RRM1: variants seen among roughly 807,000 people sequenced by gnomAD.
RRM1 encodes ribonucleoside-diphosphate reductase large subunit.
RRM1 carries 19 observed loss-of-function variants against 101.5 expected under a neutral mutation model. The observed-to-expected ratio is 0.19, with a 90% CI of 0.13 to 0.27. RRM1 has a LOEUF of 0.27. Ranked by LOEUF, RRM1 falls within the 10% of genes least tolerant of loss-of-function variation. RRM1 has a pLI of 1.00. For synonymous variants in RRM1, 298 were observed against 323.4 expected, an observed-to-expected ratio of 0.92 and a Z score of 0.84; for missense variants, 500 against 962.9, an observed-to-expected ratio of 0.52 and a Z score of 6.36.
intron 11 of RRM1, among the ~76,000 whole-genome samples, chr11:4,122,431 T>C (rs1244185509): frequency 6.6e-6 from 1 of 152,218 alleles, no homozygotes; most frequent in Non-Finnish European, 1.5e-5. Context: ...TATAAATAGG[T>C]TCTTGGGATT....
intron 15 of RRM1, 45 bp downstream of exon 15, chr11:4,129,195 G>C (rs2094594814): frequency 9.0e-7 from 1 of 1,112,992 alleles, no homozygotes; most frequent in South Asian, 1.3e-5. Context: ...GAAGGGTTTA[G>C]GTTCACCTTC....
At chr11:4,117,242 A>G (rs928014310) in intron 7 of RRM1, among the ~76,000 whole-genome samples, 2 of 152,218 alleles carry the variant, frequency 1.3e-5, no homozygotes, top group Non-Finnish European at 2.9e-5. Context: ...AATCTTTAGT[A>G]AAGTGAAACG....
intron 17 of RRM1, 113 bp from the exon 18 acceptor site, chr11:4,134,969 G>A: frequency 1.4e-6 from 1 of 737,272 alleles, no homozygotes; most frequent in Non-Finnish European, 2.2e-6. Flanking sequence ...TGAATGGTAA[G>A]GTCAGATCTG....
intron 3 of RRM1, among the ~76,000 whole-genome samples, chr11:4,106,860 A>G (rs576751676): frequency 6.6e-6 from 1 of 152,100 alleles, no homozygotes; most frequent in South Asian, 2.1e-4. Flanking sequence ...AGGTTGATGG[A>G]TCTTTGTTCT....
intron 2 of RRM1, among the ~76,000 whole-genome samples, chr11:4,103,397 TAAGA>T (rs757584132): frequency 1.3e-3 from 204 of 152,334 alleles, no homozygotes; most frequent in Non-Finnish European, 2.3e-3. Flanking sequence ...GGTTTATAGA[TAAGA>T]AAGTTCCAAA....
At chr11:4,133,228 G>A (rs2094603373) in intron 16 of RRM1, among the ~76,000 whole-genome samples, 1 of 152,122 alleles carries the variant, frequency 6.6e-6, no homozygotes, top group East Asian at 1.9e-4. Flanking sequence ...CCAGGCTGGA[G>A]TGCAGTGGCA....
chr11:4,102,329 A>C (rs756160045), intron 2 of RRM1, among the ~76,000 whole-genome samples: 27 of 152,364 alleles, frequency 1.8e-4, no homozygotes, highest in Non-Finnish European at 3.5e-4. Context: ...ATTTAATATC[A>C]GATATTTCCT....
intron 18 of RRM1, 61 bp downstream of exon 18, chr11:4,135,331 G>A: frequency 7.5e-7 from 1 of 1,335,944 alleles, no homozygotes; most frequent in South Asian, 1.5e-5. Flanking sequence ...GCATTGGAAT[G>A]ATTTTATGTT....
intron 2 of RRM1, chr11:4,105,578 C>CTTTTTTTTTTTTTTTTTT: frequency 1.1e-5 from 3 of 281,538 alleles, no homozygotes; most frequent in Admixed American, 5.8e-5. Context: ...TTTTTCTTTC[C>CTTTTTTTTTTTTTTTTTT]TTTTTTTTTT....
In RRM1 at chr11:4,138,755, C is replaced by T. The variant is rs1448353456; in HGVS notation, c.*372C>T. On this transcript the variant is annotated 3_prime_UTR_variant, in exon 19 of 19. Coordinates refer to ENST00000300738, the MANE Select transcript of RRM1 (RefSeq NM_001033.5). Reference sequence around the variant, plus strand: ...TTGTTAAGGAGATTTAGTTTTACTGCTTTGACTGGTGGGTCTCTAGAAGCA... The same window carrying T: ...TTGTTAAGGAGATTTAGTTTTACTGTTTTGACTGGTGGGTCTCTAGAAGCA... 6 of 216,532 alleles carry T rather than the reference C, an allele frequency of 2.8e-5. No homozygotes were observed. Among genetic ancestry groups the T allele is most frequent in the Admixed American group, 1.2e-4 (2 of 17,166 alleles). 13.4% of individuals were successfully genotyped at this position (216,532 alleles called of 1,614,324 possible).
chr11:4,135,547 G>C (rs909694964), intron 18 of RRM1, among the ~76,000 whole-genome samples: 3 of 152,100 alleles, frequency 2.0e-5, no homozygotes, highest in African/African-American at 7.2e-5. Flanking sequence ...ACCAAGTTGT[G>C]TTGATTGTTC....
At chr11:4,119,049 T>C (rs931044318) in intron 8 of RRM1, 6 of 152,306 alleles carry the variant, frequency 3.9e-5, no homozygotes, top group African/African-American at 1.4e-4. Flanking sequence ...GTCAAGATAA[T>C]AGTTTTGGAT....
Position 4,094,811 on chromosome 11 carries a change from C to A in RRM1, c.-202C>A. On this transcript the variant is annotated 5_prime_UTR_variant, in exon 1 of 19. Coordinates refer to ENST00000300738, the MANE Select transcript of RRM1 (RefSeq NM_001033.5). ...AACCCCGTCGCGCCCCTTTGTGCGT[C>A]ACGGGTGGCGGGCGCGGGAAGGGGA... The A allele has an allele frequency of 1.6e-6, 1 of 609,410 alleles. No individual in the cohort carries two copies. 37.8% of individuals were successfully genotyped at this position (609,410 alleles called of 1,614,324 possible).
intron 15 of RRM1, among the ~76,000 whole-genome samples, chr11:4,129,494 T>A (rs1043561036): frequency 6.6e-6 from 1 of 152,162 alleles, no homozygotes; most frequent in Non-Finnish European, 1.5e-5. Context: ...TTTTTCATTC[T>A]TATTTATTTC....
At chr11:4,129,990 G>T (rs1440015178) in intron 15 of RRM1, among the ~76,000 whole-genome samples, 1 of 143,412 alleles carries the variant, frequency 7.0e-6, no homozygotes, top group African/African-American at 2.6e-5. Context: ...CATCCTTTAG[G>T]TTTTCTTCCA....
chr11:4,094,958 G>A lies in RRM1; in HGVS notation c.-55G>A. 1.3e-6 allele frequency: 2 copies of A among 1,549,828 alleles called. No individual in the cohort carries two copies. Among genetic ancestry groups the A allele is most frequent in the Non-Finnish European group, 1.7e-6 (2 of 1,145,184 alleles). On this transcript the variant is annotated 5_prime_UTR_variant, in exon 1 of 19. Transcript: ENST00000300738. ...CTGTCACCTTCTCGATCCCGCCGGCGCTTTAGAGCCGCAGTCCAGTCTTGG... is the reference window on the plus strand; with the variant it reads ...CTGTCACCTTCTCGATCCCGCCGGCACTTTAGAGCCGCAGTCCAGTCTTGG...
At chr11:4,127,370 C>T in intron 14 of RRM1, 114 bp downstream of exon 14, 1 of 592,712 alleles carries the variant, frequency 1.7e-6, no homozygotes, top group Non-Finnish European at 2.7e-6. Flanking sequence ...AATTTAATTT[C>T]ATTTGGTTCA....
chr11:4,101,561 C>T (rs376588813), intron 1 of RRM1, among the ~76,000 whole-genome samples: 811 of 51,840 alleles, frequency 0.016, 128 homozygotes, highest in African/African-American at 0.03. Context: ...TGATCCACAC[C>T]CCCCCCCGCT....
Position 4,114,371 on chromosome 11 carries a change from G to A in RRM1, c.650+2309G>A, listed in dbSNP as rs183137585. Among the ~76,000 whole-genome samples, 213 of 151,812 alleles carry A rather than the reference G, an allele frequency of 1.4e-3. 1 individual carries two copies. The highest frequency in any genetic ancestry group is 4.9e-3 in the African/African-American group (204 of 41,400). On this transcript the variant is annotated intron_variant, in intron 7 of 18. Coordinates refer to ENST00000300738, the MANE Select transcript of RRM1 (RefSeq NM_001033.5). ...GTTCAAGACCAACAGGGCCAACATG[G>A]TGAAACCCTGTCTCTACTAAAAATA...
Sources: gnomAD v4.1 joint callset for allele counts (sites outside exome capture counted in the v4.1 genomes callset) on GRCh38, gnomAD v4.1.1 for gene constraint, MANE v1.5 for transcripts, NCBI Gene and HGNC (gene_info 2026-07-23, HGNC 2026-07-21) for gene names.